KLHL1: variants seen among roughly 807,000 people sequenced by gnomAD.
KLHL1 encodes the protein kelch like family member 1.
A neutral mutation model predicts 77.7 loss-of-function variants in KLHL1; 47 were observed. The observed-to-expected ratio is 0.60, with a 90% CI of 0.48 to 0.77. The LOEUF is 0.77. Among genes scored for constraint, KLHL1 ranks in the 30% least tolerant of loss-of-function variants. The pLI is 0.00. For synonymous variants in KLHL1, 360 were observed against 325.2 expected, an observed-to-expected ratio of 1.11 and a Z score of -1.15; for missense variants, 925 against 910.8, an observed-to-expected ratio of 1.02 and a Z score of -0.20.
At chr13:69,838,886 G>A (rs1471626189) in intron 6 of KLHL1, 90 bp downstream of exon 6, 4 of 764,262 alleles carry the variant, frequency 5.2e-6, no homozygotes, top group Non-Finnish European at 7.7e-6. Context: ...CTGAGTTTAT[G>A]TCATTTTTTG....
intron 1 of KLHL1, among the ~76,000 whole-genome samples, chr13:70,105,345 GT>G (rs1888025626): frequency 6.6e-6 from 1 of 151,596 alleles, no homozygotes; most frequent in African/African-American, 2.4e-5. Flanking sequence ...CTCCATTAAT[GT>G]TTTCAAAACT....
At chr13:69,935,207 T>TACTGATGAACTTGGTACATAGTTCACCC (rs1883142008) in intron 4 of KLHL1, among the ~76,000 whole-genome samples, 2 of 118,472 alleles carry the variant, frequency 1.7e-5, no homozygotes, top group African/African-American at 3.4e-5. Flanking sequence ...ACATAGTTGG[T>TACTGATGAACTTGGTACATAGTTCACCC]ACTGGTGAAC....
chr13:69,715,318 G>A (rs898178533), intron 9 of KLHL1, among the ~76,000 whole-genome samples: 3 of 152,022 alleles, frequency 2.0e-5, no homozygotes, highest in African/African-American at 4.8e-5. Context: ...TGCTATTCTT[G>A]TGACAGTGAG....
chr13:69,827,929 A>G (rs1878613762), intron 6 of KLHL1, among the ~76,000 whole-genome samples: 1 of 150,284 alleles, frequency 6.7e-6, no homozygotes, highest in Non-Finnish European at 1.5e-5. Context: ...AATACTCTCA[A>G]GATAAGTTTG....
intron 1 of KLHL1, among the ~76,000 whole-genome samples, chr13:69,995,001 A>G (rs1593659743): frequency 6.6e-6 from 1 of 152,234 alleles, no homozygotes; most frequent in East Asian, 1.9e-4. Flanking sequence ...TCAACAATGT[A>G]CCAAAGACAG....
At chr13:70,082,311 TCACACACACACACA>T (rs4053611) in intron 1 of KLHL1, among the ~76,000 whole-genome samples, 1,229 of 111,010 alleles carry the variant, frequency 0.011, 18 homozygotes, top group Middle Eastern at 0.067. Flanking sequence ...CTTGGACCTG[TCACACACACACACA>T]CACACACACA....
At chr13:69,898,029 A>G (rs1402428404) in intron 4 of KLHL1, among the ~76,000 whole-genome samples, 1 of 152,198 alleles carries the variant, frequency 6.6e-6, no homozygotes, top group Non-Finnish European at 1.5e-5. Flanking sequence ...GACCGGTAGA[A>G]AGTGCAGCAA....
rs1887454107 is a variant in KLHL1, at chr13:70,083,861, CA to C, written c.497+23341del. Among the ~76,000 whole-genome samples, 3 of 151,916 alleles carry C rather than the reference CA, an allele frequency of 2.0e-5. No individual in the cohort carries two copies. In the South Asian group the frequency reaches 6.2e-4, roughly 32 times the overall value. ...CCACATTATACCCCATACATGTATACAATTTTGATTTTTCAATTAATATAAT... is the reference window on the plus strand; with the variant it reads ...CCACATTATACCCCATACATGTATACATTTTGATTTTTCAATTAATATAAT... On this transcript the variant is annotated intron_variant, in intron 1 of 10. Transcript: ENST00000377844.
chr13:70,063,770 G>C (rs1407346302), intron 1 of KLHL1, among the ~76,000 whole-genome samples: 1 of 151,972 alleles, frequency 6.6e-6, no homozygotes, highest in Non-Finnish European at 1.5e-5. Flanking sequence ...ATAATACATT[G>C]TTTACAAGCT....
At chr13:70,065,187 G>T (rs1241991854) in intron 1 of KLHL1, among the ~76,000 whole-genome samples, 2 of 152,016 alleles carry the variant, frequency 1.3e-5, no homozygotes, top group Non-Finnish European at 2.9e-5. Context: ...TGTGACTGTA[G>T]AAAAAAATAT....
chr13:70,058,219 G>A (rs1186811843), intron 1 of KLHL1, among the ~76,000 whole-genome samples: 9 of 152,078 alleles, frequency 5.9e-5, no homozygotes, highest in Non-Finnish European at 1.2e-4. Context: ...ATTCAACATC[G>A]TATTAGAAGT....
intron 1 of KLHL1, among the ~76,000 whole-genome samples, chr13:70,042,182 C>T (rs925628373): frequency 6.6e-6 from 1 of 152,050 alleles, no homozygotes; most frequent in South Asian, 2.1e-4. Context: ...GAAAGTACCA[C>T]CGTGTCATTG....
At chr13:69,918,307 T>A (rs117409997) in intron 4 of KLHL1, among the ~76,000 whole-genome samples, 5,060 of 152,000 alleles carry the variant, frequency 0.033, 115 homozygotes, top group Non-Finnish European at 0.051. Flanking sequence ...CATATTTTAA[T>A]TAGTTGATTT....
At chr13:69,799,375 A>G (rs1014574685) in intron 6 of KLHL1, among the ~76,000 whole-genome samples, 23 of 152,178 alleles carry the variant, frequency 1.5e-4, no homozygotes, top group African/African-American at 5.3e-4. Flanking sequence ...AGGAGTTGCA[A>G]TTCAAAAAGG....
At chr13:69,768,503 G>C (rs558929268) in intron 7 of KLHL1, among the ~76,000 whole-genome samples, 66 of 152,066 alleles carry the variant, frequency 4.3e-4, no homozygotes, top group African/African-American at 1.4e-3. Flanking sequence ...CTTCTTTACT[G>C]TTTTCAAATG....
At chr13:70,103,001 T>C (rs1382184664) in intron 1 of KLHL1, among the ~76,000 whole-genome samples, 2 of 152,142 alleles carry the variant, frequency 1.3e-5, no homozygotes, top group African/African-American at 2.4e-5. Context: ...TATTCATATA[T>C]GGTTACAAGC....
intron 7 of KLHL1, among the ~76,000 whole-genome samples, chr13:69,777,139 A>C (rs1199817790): frequency 6.6e-6 from 1 of 151,902 alleles, no homozygotes. Context: ...TTCCCTGCAC[A>C]TGCTCTCTTG....
In KLHL1 at chr13:69,861,116, G is replaced by A. The variant is rs138205400; in HGVS notation, c.1227+21167C>T. Among the ~76,000 whole-genome samples, 19 of 152,044 alleles carry A rather than the reference G, an allele frequency of 1.2e-4. No individual in the cohort carries two copies. The East Asian group carries it at 1.4e-3, about 11-fold the overall frequency. Reference sequence around the variant, plus strand: ...CTGTTTTAGAAATGGCCAAAGTAACGCTAACTGGTAAATATTATTTTATGT... The same window carrying A: ...CTGTTTTAGAAATGGCCAAAGTAACACTAACTGGTAAATATTATTTTATGT... On this transcript the variant is annotated intron_variant, in intron 5 of 10. Coordinates refer to ENST00000377844, the MANE Select transcript of KLHL1 (RefSeq NM_020866.3).
At chr13:69,784,296 C>G (rs898925952) in intron 7 of KLHL1, among the ~76,000 whole-genome samples, 9 of 152,120 alleles carry the variant, frequency 5.9e-5, no homozygotes, top group African/African-American at 1.9e-4. Flanking sequence ...AAATAACCAG[C>G]TAACATCATA....
Sources: gnomAD v4.1 joint callset for allele counts (sites outside exome capture counted in the v4.1 genomes callset) on GRCh38, gnomAD v4.1.1 for gene constraint, MANE v1.5 for transcripts, NCBI Gene and HGNC (gene_info 2026-07-23, HGNC 2026-07-21) for gene names.